DLG2: variants seen among roughly 807,000 people sequenced by gnomAD.
DLG2 encodes the protein discs large MAGUK scaffold protein 2.
A neutral mutation model predicts 132.5 loss-of-function variants in DLG2; 45 were observed. That is an observed-to-expected ratio of 0.34 (90% CI 0.27 to 0.44). The LOEUF is 0.44. Ranked by LOEUF, DLG2 falls within the 20% of genes least tolerant of loss-of-function variation. DLG2 has a pLI of 1.00. For missense variants in DLG2, 1,045 were observed against 1,196.9 expected, an observed-to-expected ratio of 0.87 and a Z score of 1.87; for synonymous variants, 424 against 419.6, an observed-to-expected ratio of 1.01 and a Z score of -0.13.
At chr11:85,540,379 G>T (rs762898266) in intron 3 of DLG2, among the ~76,000 whole-genome samples, 1 of 152,166 alleles carries the variant, frequency 6.6e-6, no homozygotes, top group Non-Finnish European at 1.5e-5. Context: ...GACACCAGCA[G>T]ATGCTGACAG....
intron 6 of DLG2, among the ~76,000 whole-genome samples, chr11:84,794,570 C>T (rs1203204696): frequency 6.6e-6 from 1 of 152,218 alleles, no homozygotes; most frequent in Admixed American, 6.5e-5. Context: ...TCCCAGGATG[C>T]AGCTGCAGCC....
chr11:84,125,993 G>C (rs889270382), intron 9 of DLG2, among the ~76,000 whole-genome samples: 1 of 151,958 alleles, frequency 6.6e-6, no homozygotes, highest in Non-Finnish European at 1.5e-5. Flanking sequence ...TTTTAATAAA[G>C]AGGATAAAAT....
intron 3 of DLG2, among the ~76,000 whole-genome samples, chr11:85,307,577 A>G (rs2080037726): frequency 6.6e-6 from 1 of 152,186 alleles, no homozygotes; most frequent in African/African-American, 2.4e-5. Context: ...CTAAACCACG[A>G]TGATCCCTTT....
chr11:83,929,757 G>A (rs936753464), intron 15 of DLG2, among the ~76,000 whole-genome samples: 2 of 152,100 alleles, frequency 1.3e-5, no homozygotes, highest in Non-Finnish European at 2.9e-5. Context: ...ACATAGGATG[G>A]TAACATAATA....
At chr11:85,224,935 T>C (rs770974450) in intron 4 of DLG2, among the ~76,000 whole-genome samples, 4 of 152,206 alleles carry the variant, frequency 2.6e-5, no homozygotes, top group African/African-American at 4.8e-5. Flanking sequence ...TTTATTTTTC[T>C]TTATTTTATA....
At chr11:84,782,359 AG>A (rs2071962804) in intron 6 of DLG2, among the ~76,000 whole-genome samples, 1 of 152,012 alleles carries the variant, frequency 6.6e-6, no homozygotes, top group Non-Finnish European at 1.5e-5. Flanking sequence ...ATTTAGTAAA[AG>A]TTATGAACAT....
intron 16 of DLG2, among the ~76,000 whole-genome samples, chr11:83,846,836 T>A (rs2058698391): frequency 6.6e-6 from 1 of 151,898 alleles, no homozygotes; most frequent in South Asian, 2.1e-4. Context: ...CTCAATTTGT[T>A]TTTGTCTAAA....
chr11:85,415,941 G>C (rs191656625), intron 3 of DLG2, among the ~76,000 whole-genome samples: 1 of 151,984 alleles, frequency 6.6e-6, no homozygotes, highest in Non-Finnish European at 1.5e-5. Flanking sequence ...ATGAAGTCTT[G>C]GCCCATGCCT....
chr11:84,116,223 C>G (rs2093627474), intron 9 of DLG2, among the ~76,000 whole-genome samples: 12 of 152,212 alleles, frequency 7.9e-5, no homozygotes, highest in Admixed American at 7.9e-4. Context: ...CATTTTAAAA[C>G]AGTGATTGTT....
intron 13 of DLG2, among the ~76,000 whole-genome samples, chr11:83,964,181 G>A (rs1421657738): frequency 6.7e-6 from 1 of 148,734 alleles, no homozygotes; most frequent in African/African-American, 2.4e-5. Flanking sequence ...TCCCTTTTCT[G>A]TCTTTGACAT....
chr11:85,139,773 C>T (rs551594710), intron 5 of DLG2, among the ~76,000 whole-genome samples: 2 of 152,090 alleles, frequency 1.3e-5, no homozygotes, highest in East Asian at 1.9e-4. Context: ...CTCCAGCCTA[C>T]ATCTCTTCAT....
rs1416853270 is a variant in DLG2 at position 84,516,685 on chromosome 11, A to G, written c.519+17885T>C. On this transcript the variant is annotated intron_variant, in intron 7 of 27. Coordinates refer to ENST00000376104, the MANE Select transcript of DLG2 (RefSeq NM_001142699.3). ...AAACACTTCCAAAAAATTGAAGAGG[A>G]GATAATACTTCCAAATTCATTTCAT... Among the ~76,000 whole-genome samples, 4 of 151,600 alleles carry G rather than the reference A, an allele frequency of 2.6e-5. No individual in the cohort carries two copies. In the East Asian group the frequency reaches 7.7e-4, roughly 29 times the overall value.
chr11:85,170,442 G>C (rs1216724251), intron 4 of DLG2, among the ~76,000 whole-genome samples: 2 of 152,160 alleles, frequency 1.3e-5, no homozygotes, highest in Non-Finnish European at 2.9e-5. Context: ...CACCCAAGGG[G>C]AGAGTAATTC....
chr11:84,580,306 G>A (rs2099513406), intron 6 of DLG2, among the ~76,000 whole-genome samples: 3 of 152,136 alleles, frequency 2.0e-5, no homozygotes, highest in Admixed American at 6.5e-5. Flanking sequence ...CTAAGGCCTG[G>A]CCTGTAAAAT....
At chr11:84,082,538 A>G (rs931060007) in intron 10 of DLG2, among the ~76,000 whole-genome samples, 2 of 152,214 alleles carry the variant, frequency 1.3e-5, no homozygotes, top group Admixed American at 1.3e-4. Flanking sequence ...TCATTTCCTG[A>G]AGAGCTAAAA....
chr11:85,613,233 G>A (rs1193387115), intron 2 of DLG2, among the ~76,000 whole-genome samples: 1 of 152,058 alleles, frequency 6.6e-6, no homozygotes, highest in Non-Finnish European at 1.5e-5. Context: ...TAGAATCGAG[G>A]CCATCAAGCT....
intron 16 of DLG2, among the ~76,000 whole-genome samples, chr11:83,856,412 C>T (rs1481375112): frequency 2.0e-5 from 3 of 152,182 alleles, no homozygotes; most frequent in Non-Finnish European, 1.5e-5. Context: ...TGCCACACTG[C>T]TTTCCACAAT....
At chr11:85,525,085 AG>A (rs1194750258) in intron 3 of DLG2, 1 of 152,230 alleles carries the variant, frequency 6.6e-6, no homozygotes, top group Non-Finnish European at 1.5e-5. Context: ...CTCATTTATT[AG>A]TACCCTTAAC....
At chr11:84,955,825 G>A (rs938262922) in intron 6 of DLG2, 4 of 152,170 alleles carry the variant, frequency 2.6e-5, no homozygotes, top group Non-Finnish European at 5.9e-5. Context: ...AAATACTGAT[G>A]AGGAAATAAC....
Sources: gnomAD v4.1 joint callset for allele counts (sites outside exome capture counted in the v4.1 genomes callset) on GRCh38, gnomAD v4.1.1 for gene constraint, MANE v1.5 for transcripts, NCBI Gene and HGNC (gene_info 2026-07-23, HGNC 2026-07-21) for gene names.